RBFOX2: variants seen among roughly 807,000 people sequenced by gnomAD.
The protein encoded by RBFOX2 is RNA binding fox-1 homolog 2, also known as RNA binding protein fox-1 homolog 2.
In RBFOX2, 10 loss-of-function variants were observed where a neutral mutation model predicts 49.1. That is an observed-to-expected ratio of 0.20 (90% confidence interval 0.13 to 0.35). The LOEUF (loss-of-function observed/expected upper bound fraction) is 0.35. Among genes scored for constraint, RBFOX2 ranks in the 10% least tolerant of loss-of-function variants. The pLI, the probability that RBFOX2 is intolerant of heterozygous loss-of-function variation, is 1.00. For missense variants in RBFOX2, 323 were observed against 486.9 expected (o/e 0.66, Z 3.17); for synonymous variants, 183 against 187.4 (o/e 0.98, Z 0.19).
Position 35,897,606 on chromosome 22 carries a change from A to G in RBFOX2, c.-34+41241T>C. 3.2e-6 allele frequency: 4 copies of G among 1,260,836 alleles called. No homozygotes were observed. The Admixed American group carries it at 6.7e-5, about 21-fold the overall frequency. The allele number at this position is 1,260,836 out of a possible 1,614,324, so 78.1% of individuals were successfully genotyped here. On this transcript the variant is annotated intron_variant, in intron 1 of 13. Transcript: ENST00000359369. ...CAAAGAGGAGATATCGATTTGGCCC[A>G]ACGAAAGCAAAGGTTTTCCCATTGG...
upstream of RBFOX2, among the ~76,000 whole-genome samples, chr22:35,844,256 C>T (rs1253904142): frequency 2.6e-5 from 4 of 152,158 alleles, no homozygotes; most frequent in African/African-American, 9.7e-5. Flanking sequence ...TATGAGCAGT[C>T]TGAGGGTAGA....
Position 35,919,539 on chromosome 22 carries a change from A to AG in RBFOX2, c.-34+19307_-34+19308insC, listed in dbSNP as rs1228615553. ...CAGAGTGAGACTGTCTCAAAAAAAA[A>AG]AAAAAGAAAAAGAAGTGATAACTAC... On this transcript the variant is annotated intron_variant, in intron 1 of 13. Transcript: ENST00000359369. Among the ~76,000 whole-genome samples, 18 of 152,192 alleles carry AG rather than the reference A, an allele frequency of 1.2e-4. 1 individual carries two copies. The South Asian group carries it at 3.5e-3, about 30-fold the overall frequency.
chr22:36,026,038 G>T (rs2059419959), intron 1 of RBFOX2, among the ~76,000 whole-genome samples: 1 of 152,170 alleles, frequency 6.6e-6, no homozygotes, highest in Non-Finnish European at 1.5e-5. Context: ...GCTGAGGTGG[G>T]TGAATCACCT....
intron 1 of RBFOX2, among the ~76,000 whole-genome samples, chr22:35,956,606 G>A (rs1378374775): frequency 2.6e-5 from 4 of 151,972 alleles, no homozygotes; most frequent in Non-Finnish European, 5.9e-5. Context: ...ATGATCCCCC[G>A]CCTCAGCCTC....
chr22:35,769,459 A>G (rs1942023268), intron 4 of RBFOX2, among the ~76,000 whole-genome samples: 4 of 152,132 alleles, frequency 2.6e-5, no homozygotes, highest in Non-Finnish European at 2.9e-5. Flanking sequence ...CATTTACTAT[A>G]TACTTATATG....
intron 1 of RBFOX2, among the ~76,000 whole-genome samples, chr22:35,917,509 G>A (rs2050565343): frequency 6.6e-6 from 1 of 152,214 alleles, no homozygotes; most frequent in South Asian, 2.1e-4. Context: ...GCATAGAGTT[G>A]ACAACCATGA....
At chr22:35,788,786 A>C (rs1368651301) in intron 2 of RBFOX2, among the ~76,000 whole-genome samples, 1 of 152,162 alleles carries the variant, frequency 6.6e-6, no homozygotes, top group Non-Finnish European at 1.5e-5. Flanking sequence ...GACTTGTTTC[A>C]TTTTCACCTA....
chr22:35,980,110 A>T (rs140455217), intron 1 of RBFOX2, among the ~76,000 whole-genome samples: 121 of 152,298 alleles, frequency 7.9e-4, no homozygotes, highest in Middle Eastern at 3.4e-3. Context: ...CAAATTCATT[A>T]TGACCTATTA....
At chr22:35,880,071 G>A (rs533012937) in intron 1 of RBFOX2, among the ~76,000 whole-genome samples, 18 of 152,188 alleles carry the variant, frequency 1.2e-4, no homozygotes, top group South Asian at 2.1e-4. Context: ...CACAAGAATC[G>A]CTTGAACCTG....
intron 2 of RBFOX2, among the ~76,000 whole-genome samples, chr22:35,792,427 A>G (rs1947936634): frequency 6.6e-6 from 1 of 152,136 alleles, no homozygotes; most frequent in Non-Finnish European, 1.5e-5. Flanking sequence ...TTCACACTGA[A>G]TCAAAATTTG....
intron 4 of RBFOX2, among the ~76,000 whole-genome samples, chr22:35,775,841 CAA>C (rs753116056): frequency 5.0e-4 from 28 of 56,144 alleles, no homozygotes; most frequent in Middle Eastern, 8.1e-3. Flanking sequence ...GAATCTGCCT[CAA>C]AAAAAAAAAA....
chr22:35,837,408 A>C (rs1957869448), intron 1 of RBFOX2, among the ~76,000 whole-genome samples: 2 of 152,114 alleles, frequency 1.3e-5, no homozygotes, highest in Non-Finnish European at 2.9e-5. Flanking sequence ...CCCAGGCCTA[A>C]CCACCAGTAT....
intron 1 of RBFOX2, among the ~76,000 whole-genome samples, chr22:35,928,255 G>T (rs1196312790): frequency 6.6e-6 from 1 of 152,098 alleles, no homozygotes; most frequent in African/African-American, 2.4e-5. Context: ...TCTGTTGGGG[G>T]GGCAGGGGTG....
intron 1 of RBFOX2, among the ~76,000 whole-genome samples, chr22:35,880,334 GGGT>G (rs1348150208): frequency 6.6e-6 from 1 of 152,166 alleles, no homozygotes; most frequent in Non-Finnish European, 1.5e-5. Context: ...AGAAAACTGT[GGGT>G]TTAGCAAGTC....
chr22:35,769,447 A>T (rs1942017642), intron 4 of RBFOX2, among the ~76,000 whole-genome samples: 1 of 152,150 alleles, frequency 6.6e-6, no homozygotes, highest in Non-Finnish European at 1.5e-5. Flanking sequence ...TAACACCAGG[A>T]GCATTTACTA....
chr22:35,754,096 C>CTTTTTTTTTTTTTTTTT (rs1241289281), intron 9 of RBFOX2, among the ~76,000 whole-genome samples: 2 of 134,258 alleles, frequency 1.5e-5, no homozygotes, highest in South Asian at 4.7e-4. Flanking sequence ...GTAGGCAAGT[C>CTTTTTTTTTTTTTTTTT]TTTTTTTTTT....
exon 12 of RBFOX2, chr22:35,741,819 C>T (rs1421795448): frequency 6.6e-6 from 1 of 152,670 alleles, no homozygotes; most frequent in African/African-American, 2.4e-5. Context: ...TTCCCATTAT[C>T]CTTACCTCTT....
intron 6 of RBFOX2, among the ~76,000 whole-genome samples, chr22:35,763,153 C>T (rs1939590239): frequency 2.6e-5 from 4 of 152,196 alleles, no homozygotes; most frequent in Admixed American, 2.6e-4. Context: ...GGACCTTTAA[C>T]ACAATAGCAG....
chr22:35,766,422 G>A (rs1218477742), intron 5 of RBFOX2, among the ~76,000 whole-genome samples: 1 of 151,968 alleles, frequency 6.6e-6, no homozygotes, highest in African/African-American at 2.4e-5. Flanking sequence ...TTTACATTGT[G>A]TTCAATTTGT....
Sources: allele counts gnomAD v4.1 joint callset (sites outside exome capture counted in the v4.1 genomes callset), GRCh38; gene constraint gnomAD v4.1.1; transcripts MANE v1.5; gene names NCBI Gene and HGNC (gene_info 2026-07-23, HGNC 2026-07-21).